DPP10: variants seen among roughly 807,000 people sequenced by gnomAD.
DPP10 encodes dipeptidyl peptidase like 10, also known as inactive dipeptidyl peptidase 10.
In DPP10, 33 loss-of-function variants were observed where a neutral mutation model predicts 120.9. The observed-to-expected ratio is 0.27, with a 90% CI of 0.21 to 0.37. DPP10 has a LOEUF of 0.37. Ranked by LOEUF, DPP10 falls within the 10% of genes least tolerant of loss-of-function variation. The pLI, the probability that DPP10 is intolerant of heterozygous loss-of-function variation, is 1.00. For missense variants in DPP10, 816 were observed against 942.8 expected, an observed-to-expected ratio of 0.87 and a Z score of 1.76; for synonymous variants, 337 against 326.1, an observed-to-expected ratio of 1.03 and a Z score of -0.36.
At chr2:115,433,819 T>A (rs2071230367) in intron 3 of DPP10, among the ~76,000 whole-genome samples, 1 of 152,034 alleles carries the variant, frequency 6.6e-6, no homozygotes, top group Non-Finnish European at 1.5e-5. Flanking sequence ...AGCTTTTTAT[T>A]GAAATTTATT....
intron 7 of DPP10, among the ~76,000 whole-genome samples, chr2:115,695,200 C>T (rs1348903110): frequency 6.6e-6 from 1 of 152,120 alleles, no homozygotes; most frequent in African/African-American, 2.4e-5. Context: ...AAGATGCAGG[C>T]TTACAAAAGA....
At chr2:115,400,889 C>T (rs1391686804) in intron 3 of DPP10, among the ~76,000 whole-genome samples, 1 of 152,138 alleles carries the variant, frequency 6.6e-6, no homozygotes, top group East Asian at 1.9e-4. Flanking sequence ...AGTTTCGAGG[C>T]TATGCATGGG....
At chr2:115,348,693 TA>T (rs2063834146) in intron 3 of DPP10, among the ~76,000 whole-genome samples, 1 of 152,106 alleles carries the variant, frequency 6.6e-6, no homozygotes, top group African/African-American at 2.4e-5. Flanking sequence ...TATAAACAAT[TA>T]AAATTATCAT....
intron 1 of DPP10, among the ~76,000 whole-genome samples, chr2:114,443,849 T>G (rs898076400): frequency 1.3e-5 from 2 of 152,184 alleles, no homozygotes; most frequent in African/African-American, 4.8e-5. Context: ...TTTTGGTTTA[T>G]GTCTCAGGCC....
In DPP10 at chr2:115,727,471, G is replaced by A. The variant is rs182833701; in HGVS notation, c.577-345G>A. 1.6e-3 allele frequency among the ~76,000 whole-genome samples: 250 copies of A among 152,194 alleles called. 1 individual carries two copies. The highest frequency in any genetic ancestry group is 6.8e-3 in the Middle Eastern group (2 of 294). ...GTTACTAAAATGGCTTATAGTTACA[G>A]TTATCAGTCTCTTGAGTAAGCAAAA... is the stretch of plus-strand genomic sequence containing the variant. On this transcript the variant is annotated intron_variant, in intron 7 of 25. Transcript: ENST00000410059.
rs11123305 is a variant in DPP10, at chr2:115,436,731, A to G, written c.272-62779A>G. Among the ~76,000 whole-genome samples the G allele has an allele frequency of 4.7e-3, 711 of 152,072 alleles. 30 individuals carry two copies. The East Asian group carries it at 0.1, about 22-fold the overall frequency. On this transcript the variant is annotated intron_variant, in intron 3 of 25. Transcript: ENST00000410059. ...CAGGAACAAACACTTGGGAGTTTAA[A>G]AAATATGGAAAGCTATTGGTCTAAT... is the stretch of plus-strand genomic sequence containing the variant.
At chr2:115,402,854 AATATATATAT>A in intron 3 of DPP10, among the ~76,000 whole-genome samples, 1 of 97,640 alleles carries the variant, frequency 1.0e-5, no homozygotes, top group Non-Finnish European at 1.9e-5. Context: ...AAAAAAAAAA[AATATATATAT>A]ATATATATAT....
At chr2:114,848,845 G>A (rs1688738365) in intron 1 of DPP10, among the ~76,000 whole-genome samples, 1 of 152,158 alleles carries the variant, frequency 6.6e-6, no homozygotes, top group South Asian at 2.1e-4. Context: ...ACACTGGGTG[G>A]CTTATAAACA....
intron 5 of DPP10, among the ~76,000 whole-genome samples, chr2:115,571,693 CTTT>C (rs11462795): frequency 1.7e-5 from 2 of 117,022 alleles, no homozygotes; most frequent in African/African-American, 5.8e-5. Flanking sequence ...GTTGTTGTTC[CTTT>C]TTTTTTTTTT....
At chr2:115,412,912 C>T (rs1268071148) in intron 3 of DPP10, among the ~76,000 whole-genome samples, 3 of 152,118 alleles carry the variant, frequency 2.0e-5, no homozygotes, top group Admixed American at 6.6e-5. Flanking sequence ...TCTACCAGGG[C>T]ACAATTGAGT....
At chr2:114,950,877 C>T (rs889334598) in intron 1 of DPP10, among the ~76,000 whole-genome samples, 1 of 152,136 alleles carries the variant, frequency 6.6e-6, no homozygotes, top group African/African-American at 2.4e-5. Flanking sequence ...ATGAGGGCCC[C>T]TGGACCACTT....
At chr2:114,642,233 G>A (rs571437247) in intron 1 of DPP10, among the ~76,000 whole-genome samples, 13 of 151,696 alleles carry the variant, frequency 8.6e-5, no homozygotes, top group African/African-American at 2.4e-4. Context: ...AATATAGATG[G>A]CCACATTTTT....
intron 3 of DPP10, among the ~76,000 whole-genome samples, chr2:115,459,826 T>C (rs910974365): frequency 1.3e-5 from 2 of 151,598 alleles, no homozygotes; most frequent in Non-Finnish European, 2.9e-5. Flanking sequence ...GATTTGATAT[T>C]GGTTCTATGA....
chr2:114,980,571 GAAA>G (rs1235344689), intron 1 of DPP10, among the ~76,000 whole-genome samples: 1 of 144,088 alleles, frequency 6.9e-6, no homozygotes, highest in Non-Finnish European at 1.5e-5. Flanking sequence ...TATGATGTAC[GAAA>G]AAGAAAAAGT....
chr2:115,581,075 T>G (rs1304891766), intron 5 of DPP10, among the ~76,000 whole-genome samples: 1 of 152,186 alleles, frequency 6.6e-6, no homozygotes, highest in African/African-American at 2.4e-5. Flanking sequence ...TCTCCGTACG[T>G]CTAGTCAGCT....
intron 1 of DPP10, among the ~76,000 whole-genome samples, chr2:115,224,055 TAAACTC>T (rs988096407): frequency 2.6e-4 from 39 of 152,298 alleles, no homozygotes; most frequent in African/African-American, 8.7e-4. Context: ...GGTTCAATGA[TAAACTC>T]AAAGTAGTCC....
intron 3 of DPP10, among the ~76,000 whole-genome samples, chr2:115,433,832 A>G (rs752778016): frequency 3.9e-5 from 6 of 152,032 alleles, no homozygotes; most frequent in African/African-American, 9.7e-5. Context: ...AATTTATTCA[A>G]TAAGATTCAT....
At chr2:115,591,566 T>C (rs1255852556) in intron 5 of DPP10, among the ~76,000 whole-genome samples, 1 of 152,184 alleles carries the variant, frequency 6.6e-6, no homozygotes, top group Non-Finnish European at 1.5e-5. Context: ...AGCCTTGTAG[T>C]ATAGTTTGAA....
At chr2:114,710,905 C>T (rs1008836756) in intron 1 of DPP10, among the ~76,000 whole-genome samples, 2 of 152,116 alleles carry the variant, frequency 1.3e-5, no homozygotes, top group South Asian at 2.1e-4. Flanking sequence ...AAACTGCTTT[C>T]GACTAAGATA....
Sources: allele counts gnomAD v4.1 joint callset (sites outside exome capture counted in the v4.1 genomes callset), GRCh38; gene constraint gnomAD v4.1.1; transcripts MANE v1.5; gene names NCBI Gene and HGNC (gene_info 2026-07-23, HGNC 2026-07-21).